The following RTN1 variants were observed in gnomAD, a reference collection of about 807,000 sequenced individuals.
The protein encoded by RTN1 is reticulon 1.
RTN1 carries 25 observed loss-of-function variants against 65.5 expected under a neutral mutation model. That is an observed-to-expected ratio of 0.38 (90% CI 0.28 to 0.53). The LOEUF is 0.53. Among genes scored for constraint, RTN1 ranks in the 20% least tolerant of loss-of-function variants. The pLI is 0.79. For missense variants in RTN1, 983 were observed against 1,025.4 expected (o/e 0.96, Z 0.57); for synonymous variants, 471 against 447.6 (o/e 1.05, Z -0.66).
chr14:59,802,493 A>G (rs1886565143), intron 1 of RTN1, among the ~76,000 whole-genome samples: 1 of 152,224 alleles, frequency 6.6e-6, no homozygotes, highest in Admixed American at 6.5e-5. Flanking sequence ...ATTTCCATTA[A>G]CTTGAATGAT....
chr14:59,684,328 T>A (rs1883802482), intron 3 of RTN1, among the ~76,000 whole-genome samples: 1 of 152,058 alleles, frequency 6.6e-6, no homozygotes, highest in Non-Finnish European at 1.5e-5. Flanking sequence ...TTTTTCACAT[T>A]ACTTTTACTG....
At position 59,749,400 on chromosome 14, in the gene RTN1, A is replaced by C. The variant is rs187055400; in HGVS notation, c.242-2919T>G. On this transcript the variant is annotated intron_variant, in intron 1 of 8. Transcript: ENST00000267484. ...TATCTATATCTATATATATCTATAT[A>C]TATCTATATCTATATATATCTATAT... 3.6e-3 allele frequency among the ~76,000 whole-genome samples: 127 copies of C among 35,590 alleles called. 13 individuals carry two copies. Among genetic ancestry groups the C allele is most frequent in the African/African-American group, 0.033 (115 of 3,452 alleles). 23.3% of individuals were successfully genotyped at this position (35,590 alleles called of 152,430 possible). A position where few individuals can be genotyped will look rare whatever the true frequency, so the allele number is the denominator to read the frequency against.
At chr14:59,831,023 A>C (rs376907235) in intron 1 of RTN1, among the ~76,000 whole-genome samples, 1 of 152,202 alleles carries the variant, frequency 6.6e-6, no homozygotes, top group African/African-American at 2.4e-5. Flanking sequence ...TAAAAGTTAA[A>C]GGTATCAGTT....
intron 1 of RTN1, among the ~76,000 whole-genome samples, chr14:59,819,193 G>A (rs1021944677): frequency 2.0e-5 from 3 of 152,110 alleles, no homozygotes; most frequent in Non-Finnish European, 2.9e-5. Context: ...CAAAAGTGGC[G>A]CGGACCTGAA....
intron 1 of RTN1, among the ~76,000 whole-genome samples, chr14:59,819,410 CACCA>C (rs1566737444): frequency 0.06 from 948 of 15,882 alleles, 45 homozygotes; most frequent in African/African-American, 0.12. Flanking sequence ...TCCACACCAC[CACCA>C]CCCCCCCCCC....
rs1594720096 is a variant in RTN1 at position 59,749,298 on chromosome 14, CTATATATATCTA to C, written c.242-2829_242-2818del. 5.2e-4 allele frequency among the ~76,000 whole-genome samples: 14 copies of C among 26,684 alleles called. 2 individuals are homozygous for C. The highest frequency in any genetic ancestry group is 1.1e-3 in the African/African-American group (4 of 3,750). The allele number at this position is 26,684 out of a possible 152,430, so 17.5% of individuals were successfully genotyped here. On this transcript the variant is annotated intron_variant, in intron 1 of 8. Transcript: ENST00000267484. ...TATATCTATATATATCTATATATAT[CTATATATATCTA>C]TATATATATCTATATATCTATATAT...
chr14:59,630,828 C>T (rs1882535688), intron 3 of RTN1: 20 of 1,011,956 alleles, frequency 2.0e-5, no homozygotes, highest in Middle Eastern at 4.9e-4. Flanking sequence ...CGCGAAGGCG[C>T]TGACGCGGAC....
rs754443589 is a variant in RTN1 at position 59,727,019 on chromosome 14, T to C, written c.1665A>G (p.Glu555=). 6.8e-6 allele frequency: 11 copies of C among 1,613,460 alleles called. No homozygotes were observed. Residue 555 remains glutamate, a synonymous_variant, in exon 3 of 9, where the codon GAA becomes GAG. Coordinates refer to ENST00000267484, the MANE Select transcript of RTN1 (RefSeq NM_021136.3). This position sits in a 1 kb window ranked among gnomAD's most constrained non-coding sequence, Gnocchi z 4.2. ...GACTTTGGTTGGAACTCGAGTCTTC[T>C]TCAGGCTTCCGTGGCAACATGGGCG... The part of the protein sequence containing the change: ...PETPMLPRKP[E]EDSSSNQSPA...
rs553664032 is a variant in RTN1, at chr14:59,816,494, AG to A, written c.241+53895del. Among the ~76,000 whole-genome samples the A allele has an allele frequency of 8.6e-4, 131 of 152,336 alleles. No individual in the cohort carries two copies. The highest frequency in any genetic ancestry group is 3.1e-3 in the African/African-American group (129 of 41,580). On this transcript the variant is annotated intron_variant, in intron 1 of 8. Transcript: ENST00000267484. The surrounding 1 kb of genome is among the most constrained non-coding windows in gnomAD (Gnocchi z 4.3). ...AGCACTCACACAGCACCTGAGACAC[AG>A]TAGGAGGCTTAATAAATATTTATTG...
chr14:59,690,743 T>A (rs1274058843), intron 3 of RTN1, among the ~76,000 whole-genome samples: 1 of 151,978 alleles, frequency 6.6e-6, no homozygotes, highest in Non-Finnish European at 1.5e-5. Flanking sequence ...CCACCCATAC[T>A]CTGGACCACA....
At chr14:59,685,560 C>T (rs914426412) in intron 3 of RTN1, among the ~76,000 whole-genome samples, 1 of 152,054 alleles carries the variant, frequency 6.6e-6, no homozygotes. Flanking sequence ...AAAATATTCC[C>T]CTTTACAATA....
intron 3 of RTN1, among the ~76,000 whole-genome samples, chr14:59,689,444 G>A (rs1298455006): frequency 6.6e-6 from 1 of 152,080 alleles, no homozygotes; most frequent in South Asian, 2.1e-4. Flanking sequence ...ATCTGGATAC[G>A]AGAAATCCAG....
intron 3 of RTN1, among the ~76,000 whole-genome samples, chr14:59,624,083 C>CA (rs1365778130): frequency 2.0e-5 from 3 of 152,132 alleles, no homozygotes; most frequent in Non-Finnish European, 2.9e-5. Context: ...CCAGCTTTGT[C>CA]AAAGAGCTCA....
intron 3 of RTN1, among the ~76,000 whole-genome samples, chr14:59,718,789 T>C (rs1884590566): frequency 1.3e-5 from 2 of 152,190 alleles, no homozygotes; most frequent in Admixed American, 1.3e-4. Flanking sequence ...TTTTTCCCCA[T>C]TGTAAATATT....
chr14:59,830,083 T>C (rs913240565), intron 1 of RTN1, among the ~76,000 whole-genome samples: 10 of 152,210 alleles, frequency 6.6e-5, no homozygotes, highest in African/African-American at 2.2e-4. Flanking sequence ...ACTGGTTAGT[T>C]GTGGAATAAC....
intron 2 of RTN1, among the ~76,000 whole-genome samples, chr14:59,732,325 G>A (rs1172664553): frequency 6.6e-6 from 1 of 152,188 alleles, no homozygotes; most frequent in Non-Finnish European, 1.5e-5. Context: ...GGCCAAGATG[G>A]CCGAATAGAA....
chr14:59,746,135 G>A lies in RTN1; in HGVS notation c.588C>T (p.Tyr196=), dbSNP rs1185234426. 1 of 1,609,064 alleles carries A rather than the reference G, an allele frequency of 6.2e-7. No homozygotes were observed. Among genetic ancestry groups the A allele is most frequent in the Non-Finnish European group, 8.5e-7 (1 of 1,178,362 alleles). Residue 196 remains tyrosine (Y), a synonymous_variant, in exon 2 of 9, where the codon TAC becomes TAT. Coordinates refer to ENST00000267484, the MANE Select transcript of RTN1 (RefSeq NM_021136.3). The part of the protein sequence containing the change: ...LDQMKAEAYK[Y]IDITRPEEVK... ...CCTCCTCGGGTCTGGTTATGTCAATGTATTTATAGGCCTCTGCTTTCATCT... is the reference window on the plus strand; with the variant it reads ...CCTCCTCGGGTCTGGTTATGTCAATATATTTATAGGCCTCTGCTTTCATCT...
chr14:59,788,171 AT>A (rs1409032098), intron 1 of RTN1, among the ~76,000 whole-genome samples: 1 of 152,216 alleles, frequency 6.6e-6, no homozygotes, highest in Non-Finnish European at 1.5e-5. Flanking sequence ...CAATGCTCCA[AT>A]AAATGTCCTT....
chr14:59,658,052 G>C (rs1883160060), intron 3 of RTN1, among the ~76,000 whole-genome samples: 1 of 152,222 alleles, frequency 6.6e-6, no homozygotes, highest in Non-Finnish European at 1.5e-5. Context: ...GCTTCAGGTT[G>C]GTGGGGGGAG....
Sources: gnomAD v4.1 joint callset for allele counts (sites outside exome capture counted in the v4.1 genomes callset) on GRCh38, gnomAD v4.1.1 for gene constraint, Gnocchi (gnomAD v3.1) non-coding constraint, MANE v1.5 for transcripts, NCBI Gene and HGNC (gene_info 2026-07-23, HGNC 2026-07-21) for gene names.